Variants in CAP2 observed in about 807,000 individuals in gnomAD.
CAP2 encodes the protein adenylyl cyclase-associated protein 2.
CAP2 carries 24 observed loss-of-function variants against 57.7 expected under a neutral mutation model. The ratio of observed to expected loss-of-function variants is 0.42; its 90% CI spans 0.30 to 0.58. CAP2 has a LOEUF of 0.58. CAP2 is among the 20% of genes least tolerant of loss of function. The pLI, the probability that CAP2 is intolerant of heterozygous loss-of-function variation, is 0.22. For missense variants in CAP2, 501 were observed against 590.3 expected (o/e 0.85, Z 1.57); for synonymous variants, 194 against 207.2 (o/e 0.94, Z 0.55).
intron 6 of CAP2, among the ~76,000 whole-genome samples, chr6:17,509,033 G>T (rs201861595): frequency 1.3e-5 from 2 of 152,024 alleles, no homozygotes; most frequent in East Asian, 3.9e-4. Context: ...GGGATTGTAG[G>T]CATGAGCCAC....
chr6:17,398,368 A>T (rs1290887249), intron 1 of CAP2, among the ~76,000 whole-genome samples: 1 of 152,120 alleles, frequency 6.6e-6, no homozygotes, highest in East Asian at 1.9e-4. Context: ...GCAGATCTAG[A>T]TCTGTCGTTG....
At chr6:17,467,950 C>A (rs553491165) in intron 4 of CAP2, among the ~76,000 whole-genome samples, 4 of 152,120 alleles carry the variant, frequency 2.6e-5, no homozygotes, top group Admixed American at 2.6e-4. Flanking sequence ...CCCACCTCCC[C>A]GCCTCAGCTC....
chr6:17,546,859 G>A (rs932162927), intron 11 of CAP2, among the ~76,000 whole-genome samples: 15 of 152,072 alleles, frequency 9.9e-5, no homozygotes, highest in African/African-American at 3.4e-4. Flanking sequence ...GGAAATAAAG[G>A]GTATTCAATT....
chr6:17,536,180 T>C (rs1367096679), intron 7 of CAP2: 1 of 456,448 alleles, frequency 2.2e-6, no homozygotes, highest in Admixed American at 2.4e-5. Flanking sequence ...ATTCCACTTG[T>C]GGCCAGACAT....
chr6:17,533,575 T>TC (rs1336623318), intron 7 of CAP2, among the ~76,000 whole-genome samples: 3 of 150,496 alleles, frequency 2.0e-5, no homozygotes, highest in African/African-American at 7.3e-5. Context: ...TTTCTTTCTT[T>TC]TTTTTTTTTT....
At chr6:17,515,380 C>A (rs1202674590) in intron 7 of CAP2, among the ~76,000 whole-genome samples, 1 of 152,112 alleles carries the variant, frequency 6.6e-6, no homozygotes. Context: ...ACCGTGTGTT[C>A]CCACTTACAA....
intron 6 of CAP2, among the ~76,000 whole-genome samples, chr6:17,509,668 C>CG (rs928133639): frequency 2.0e-5 from 3 of 151,704 alleles, no homozygotes; most frequent in Non-Finnish European, 4.4e-5. Context: ...AAGTGAGACT[C>CG]CATCTCAAAA....
intron 1 of CAP2, among the ~76,000 whole-genome samples, chr6:17,404,030 C>G (rs1247895723): frequency 6.6e-6 from 1 of 152,224 alleles, no homozygotes; most frequent in Non-Finnish European, 1.5e-5. Flanking sequence ...GTAGCTCACC[C>G]TGCTGCTATT....
intron 3 of CAP2, among the ~76,000 whole-genome samples, chr6:17,437,295 G>T (rs771742139): frequency 3.9e-5 from 6 of 152,156 alleles, no homozygotes; most frequent in Non-Finnish European, 8.8e-5. Context: ...ACAGAGCAGG[G>T]TGCAGCAGGG....
At chr6:17,519,495 C>T (rs868439756) in intron 7 of CAP2, among the ~76,000 whole-genome samples, 1 of 152,134 alleles carries the variant, frequency 6.6e-6, no homozygotes, top group Non-Finnish European at 1.5e-5. Context: ...AGAAAGACCC[C>T]ACACCAGAAA....
rs1763338465 is a variant in CAP2 at position 17,557,356 on chromosome 6, A to G, written c.*914A>G. On this transcript the variant is annotated 3_prime_UTR_variant, in exon 13 of 13. Transcript: ENST00000229922. ...CCAAGCTCGAAAATGAACATGAAAA[A>G]GCCATACATGTATTATTTCTCCTAA... 1 of 152,174 alleles carries G rather than the reference A, an allele frequency of 6.6e-6. No homozygotes were observed. The highest frequency in any genetic ancestry group is 1.5e-5 in the Non-Finnish European group (1 of 68,032). 9.4% of individuals were successfully genotyped at this position (152,174 alleles called of 1,614,324 possible).
At position 17,543,058 on chromosome 6, in the gene CAP2, C is replaced by T. The variant is rs182301134; in HGVS notation, c.1127-3C>T. The stretch of plus-strand genomic sequence containing the variant: ...TTTTTTGTTGTGTTTTTTCTCCCCA[C>T]AGACAACTGTAAAAAACTCGGCCTG... On this transcript the variant is annotated splice_region_variant and splice_polypyrimidine_tract_variant and intron_variant, in intron 10 of 12. Transcript: ENST00000229922. 42 of 1,613,664 alleles carry T rather than the reference C, an allele frequency of 2.6e-5. No homozygotes were observed. In the East Asian group the frequency reaches 8.7e-4, roughly 33 times the overall value.
intron 4 of CAP2, among the ~76,000 whole-genome samples, chr6:17,494,978 G>A (rs553664580): frequency 3.9e-5 from 6 of 152,222 alleles, no homozygotes; most frequent in South Asian, 4.1e-4. Context: ...TTGAAAGATC[G>A]TTGGCTCTTC....
chr6:17,480,575 G>A (rs933671079), intron 4 of CAP2, among the ~76,000 whole-genome samples: 2 of 152,142 alleles, frequency 1.3e-5, no homozygotes, highest in Non-Finnish European at 2.9e-5. Context: ...TGGGGAGTTG[G>A]AGAAGAGGTC....
intron 7 of CAP2, among the ~76,000 whole-genome samples, chr6:17,520,052 A>G (rs1365639955): frequency 6.6e-6 from 1 of 152,176 alleles, no homozygotes; most frequent in African/African-American, 2.4e-5. Flanking sequence ...ATGAATGTAT[A>G]TACAGTCTTA....
At chr6:17,523,504 C>T (rs112968716) in intron 7 of CAP2, among the ~76,000 whole-genome samples, 1,952 of 152,022 alleles carry the variant, frequency 0.013, 23 homozygotes, top group Middle Eastern at 0.02. Flanking sequence ...TAGAAAAGAC[C>T]GGCAAATAAA....
intron 1 of CAP2, among the ~76,000 whole-genome samples, chr6:17,403,052 A>G (rs1000155976): frequency 1.3e-5 from 2 of 152,200 alleles, no homozygotes; most frequent in African/African-American, 4.8e-5. Context: ...ACAAAAAATA[A>G]GAATTAAATT....
chr6:17,453,941 A>T (rs1022557), intron 3 of CAP2, among the ~76,000 whole-genome samples: 4 of 140,594 alleles, frequency 2.8e-5, no homozygotes, highest in African/African-American at 1.1e-4. Flanking sequence ...CTGGATTGCC[A>T]TGGCGTGATC....
rs1430319389 is a variant in CAP2, at chr6:17,426,222, C to T, written c.122-368C>T. Among the ~76,000 whole-genome samples, 4 of 151,096 alleles carry T rather than the reference C, an allele frequency of 2.6e-5. No homozygotes were observed. In the South Asian group the frequency reaches 6.3e-4, roughly 24 times the overall value. On this transcript the variant is annotated intron_variant, in intron 2 of 12. Coordinates refer to ENST00000229922, the MANE Select transcript of CAP2 (RefSeq NM_006366.3). Reference sequence around the variant, plus strand: ...CCATATTGCCTATGGCAAGACAGTCCCAGGTTTTCTTTTTTTTTTTTTTTT... The same window carrying T: ...CCATATTGCCTATGGCAAGACAGTCTCAGGTTTTCTTTTTTTTTTTTTTTT...
Sources: gnomAD v4.1 joint callset for allele counts (sites outside exome capture counted in the v4.1 genomes callset) on GRCh38, gnomAD v4.1.1 for gene constraint, MANE v1.5 for transcripts, NCBI Gene and HGNC (gene_info 2026-07-23, HGNC 2026-07-21) for gene names.